Variants in IMMP2L observed in about 807,000 individuals in gnomAD.
The protein encoded by IMMP2L is mitochondrial inner membrane protease subunit 2.
Under a neutral mutation model 19.3 loss-of-function variants are expected in IMMP2L, and 18 were observed. The observed-to-expected ratio is 0.93, with a 90% CI of 0.64 to 1.38. IMMP2L has a LOEUF of 1.38. Among genes scored for constraint, IMMP2L ranks in the 40% most tolerant of loss-of-function variants. IMMP2L has a pLI of 0.00. For missense variants in IMMP2L, 233 were observed against 218.2 expected (o/e 1.07, Z -0.43); for synonymous variants, 76 against 73.0 (o/e 1.04, Z -0.21).
chr7:110,824,853 G>T (rs1274939249), intron 5 of IMMP2L, among the ~76,000 whole-genome samples: 3 of 152,032 alleles, frequency 2.0e-5, no homozygotes, highest in African/African-American at 7.2e-5. Flanking sequence ...TATTAAAAAG[G>T]ATATTATACT....
chr7:111,175,633 G>A (rs1806967915), intron 3 of IMMP2L, among the ~76,000 whole-genome samples: 1 of 151,290 alleles, frequency 6.6e-6, no homozygotes, highest in Non-Finnish European at 1.5e-5. Context: ...AAATCAAAAT[G>A]GATTAAAGAC....
At chr7:111,349,058 C>G (rs1197344739) in intron 3 of IMMP2L, among the ~76,000 whole-genome samples, 1 of 152,058 alleles carries the variant, frequency 6.6e-6, no homozygotes, top group Non-Finnish European at 1.5e-5. Flanking sequence ...TGTTTTATTT[C>G]CAGACATAGT....
chr7:110,762,298 T>C (rs1439678569), intron 5 of IMMP2L, among the ~76,000 whole-genome samples: 1 of 152,026 alleles, frequency 6.6e-6, no homozygotes, highest in Non-Finnish European at 1.5e-5. Flanking sequence ...ATGTATAAAA[T>C]ACTTGAATTA....
In IMMP2L at chr7:111,123,524, T is replaced by A; in HGVS notation, c.240-159959A>T. ...TTTTACGATAACAGGCTTATTAAAG[T>A]ACCCCATGTTGCTCTTCAAAAAGTT... On this transcript the variant is annotated intron_variant, in intron 3 of 5. Transcript: ENST00000405709. The surrounding 1 kb of genome is among the most constrained non-coding windows in gnomAD (Gnocchi z 6.4). 1 of 1,613,912 alleles carries A rather than the reference T, an allele frequency of 6.2e-7. No individual in the cohort carries two copies. Among genetic ancestry groups the A allele is most frequent in the Non-Finnish European group, 8.5e-7 (1 of 1,179,928 alleles).
intron 3 of IMMP2L, among the ~76,000 whole-genome samples, chr7:111,089,614 A>C (rs1796643433): frequency 6.6e-6 from 1 of 152,100 alleles, no homozygotes; most frequent in African/African-American, 2.4e-5. Context: ...CCCAACACTC[A>C]ACCATGATCC....
At chr7:111,178,065 A>C (rs542293232) in intron 3 of IMMP2L, among the ~76,000 whole-genome samples, 1 of 152,092 alleles carries the variant, frequency 6.6e-6, no homozygotes, top group South Asian at 2.1e-4. Context: ...CATACTTTTA[A>C]GAACCAGCAA....
chr7:111,157,818 A>G lies in IMMP2L; in HGVS notation c.240-194253T>C, dbSNP rs540724111. 2.6e-5 allele frequency among the ~76,000 whole-genome samples: 4 copies of G among 152,238 alleles called. No individual in the cohort carries two copies. In the South Asian group the frequency reaches 8.3e-4, roughly 31 times the overall value. On this transcript the variant is annotated intron_variant, in intron 3 of 5. Transcript: ENST00000405709. The stretch of plus-strand genomic sequence containing the variant: ...TGATTATTACACATTGTATACCCAT[A>G]TCAAACTATCTCATGTGCCCCCTAA...
At chr7:111,102,095 AT>A (rs1798040690) in intron 3 of IMMP2L, among the ~76,000 whole-genome samples, 1 of 151,420 alleles carries the variant, frequency 6.6e-6, no homozygotes, top group African/African-American at 2.4e-5. Context: ...AAAAAAAAAA[AT>A]GAGTCAGAAT....
At chr7:111,536,434 T>C (rs1439264671) in intron 1 of IMMP2L, among the ~76,000 whole-genome samples, 1 of 151,850 alleles carries the variant, frequency 6.6e-6, no homozygotes, top group Non-Finnish European at 1.5e-5. Context: ...TGCCTCCCAA[T>C]AGCTAGGACC....
intron 3 of IMMP2L, chr7:111,124,794 T>A (rs1281650117): frequency 6.2e-7 from 1 of 1,613,490 alleles, no homozygotes; most frequent in Non-Finnish European, 8.5e-7. Context: ...TTGCATTAGG[T>A]GAGCTTTATC....
intron 3 of IMMP2L, among the ~76,000 whole-genome samples, chr7:111,301,033 G>A (rs997194125): frequency 6.6e-6 from 1 of 152,068 alleles, no homozygotes; most frequent in Non-Finnish European, 1.5e-5. Context: ...TTTTTCCAGA[G>A]TGGCTGTACA....
rs1825617445 is a variant in IMMP2L, at chr7:111,016,641, A to G, written c.240-53076T>C. Among the ~76,000 whole-genome samples the G allele has an allele frequency of 3.7e-5, 4 of 109,130 alleles. No homozygotes were observed. The South Asian group carries it at 1.0e-3, about 28-fold the overall frequency. The allele number at this position is 109,130 out of a possible 152,430, so 71.6% of individuals were successfully genotyped here. On this transcript the variant is annotated intron_variant, in intron 3 of 5. Transcript: ENST00000405709. ...ATATACATATATATAATGCATATAT[A>G]TTATGTGCATATATACATATATTAA...
intron 3 of IMMP2L, among the ~76,000 whole-genome samples, chr7:111,150,324 G>A (rs1248622716): frequency 1.3e-5 from 2 of 152,066 alleles, no homozygotes; most frequent in Non-Finnish European, 2.9e-5. Context: ...GTCAGTCAAG[G>A]GGGTCCTGGT....
At chr7:110,944,090 C>A (rs1230472512) in intron 4 of IMMP2L, among the ~76,000 whole-genome samples, 1 of 151,970 alleles carries the variant, frequency 6.6e-6, no homozygotes, top group Non-Finnish European at 1.5e-5. Flanking sequence ...GAGCTTTCTG[C>A]AGTCATTAAA....
intron 3 of IMMP2L, among the ~76,000 whole-genome samples, chr7:111,258,428 T>C (rs1816958119): frequency 6.6e-6 from 1 of 152,174 alleles, no homozygotes; most frequent in African/African-American, 2.4e-5. Flanking sequence ...TGCATATTTA[T>C]ATATCTTCTA....
At chr7:111,064,007 G>A (rs146523476) in intron 3 of IMMP2L, among the ~76,000 whole-genome samples, 2,416 of 152,184 alleles carry the variant, frequency 0.016, 68 homozygotes, top group African/African-American at 0.055. Flanking sequence ...CTTTTCAGCA[G>A]CACCCCACTC....
At chr7:111,209,555 C>T (rs1185595458) in intron 3 of IMMP2L, among the ~76,000 whole-genome samples, 1 of 152,052 alleles carries the variant, frequency 6.6e-6, no homozygotes, top group African/African-American at 2.4e-5. Flanking sequence ...AAACATTTAG[C>T]TATATTCAAT....
chr7:110,939,031 C>T (rs895019768), intron 4 of IMMP2L, among the ~76,000 whole-genome samples: 4 of 152,116 alleles, frequency 2.6e-5, no homozygotes, highest in Admixed American at 1.3e-4. Context: ...GCTAAGTTTA[C>T]ATTGCTAAAT....
chr7:111,446,155 T>A (rs1451690392), intron 3 of IMMP2L, among the ~76,000 whole-genome samples: 1 of 152,152 alleles, frequency 6.6e-6, no homozygotes, highest in Non-Finnish European at 1.5e-5. Context: ...TGCCCAGGCT[T>A]GCTTAGGTAA....
Sources: gnomAD v4.1 joint callset for allele counts (sites outside exome capture counted in the v4.1 genomes callset) on GRCh38, gnomAD v4.1.1 for gene constraint, Gnocchi (gnomAD v3.1) non-coding constraint, MANE v1.5 for transcripts, NCBI Gene and HGNC (gene_info 2026-07-23, HGNC 2026-07-21) for gene names.